Variants in NKAIN2 observed in about 807,000 individuals in gnomAD.
NKAIN2 encodes the protein sodium/potassium transporting ATPase interacting 2.
A neutral mutation model predicts 32.6 loss-of-function variants in NKAIN2; 14 were observed. The ratio of observed to expected loss-of-function variants is 0.43; its 90% CI spans 0.28 to 0.67. The LOEUF is 0.67. Among genes scored for constraint, NKAIN2 ranks in the 30% least tolerant of loss-of-function variants. The pLI is 0.17. For missense variants in NKAIN2, 198 were observed against 258.3 expected, an observed-to-expected ratio of 0.77 and a Z score of 1.60; for synonymous variants, 80 against 87.2, an observed-to-expected ratio of 0.92 and a Z score of 0.46.
At chr6:124,213,294 C>T (rs1384382923) in intron 1 of NKAIN2, among the ~76,000 whole-genome samples, 1 of 152,078 alleles carries the variant, frequency 6.6e-6, no homozygotes, top group Non-Finnish European at 1.5e-5. Context: ...TACAAATCTG[C>T]ATTGGGTACT....
At chr6:123,959,072 T>C (rs1777725561) in intron 1 of NKAIN2, among the ~76,000 whole-genome samples, 2 of 152,116 alleles carry the variant, frequency 1.3e-5, no homozygotes, top group South Asian at 4.1e-4. Context: ...CGGGAGAAGA[T>C]GACAGAGGAA....
chr6:123,905,505 A>C (rs759539250), intron 1 of NKAIN2, among the ~76,000 whole-genome samples: 6 of 151,806 alleles, frequency 4.0e-5, no homozygotes, highest in African/African-American at 1.5e-4. Context: ...CCTGTTTACT[A>C]TCAAAACATT....
intron 1 of NKAIN2, among the ~76,000 whole-genome samples, chr6:124,277,441 GTGTGTGTGTGTGTGTGTATC>G (rs1795086772): frequency 6.6e-6 from 1 of 151,538 alleles, no homozygotes; most frequent in Non-Finnish European, 1.5e-5. Context: ...GTGTGTGTGT[GTGTGTGTGTGTGTGTGTATC>G]TGTGTGTGTG....
At chr6:124,651,477 C>T (rs760243044) in intron 3 of NKAIN2, among the ~76,000 whole-genome samples, 2 of 152,182 alleles carry the variant, frequency 1.3e-5, no homozygotes, top group Non-Finnish European at 2.9e-5. Flanking sequence ...CTAATGTATT[C>T]TTTGATTAGT....
intron 1 of NKAIN2, among the ~76,000 whole-genome samples, chr6:124,235,290 C>A (rs954142510): frequency 6.6e-6 from 1 of 152,024 alleles, no homozygotes; most frequent in African/African-American, 2.4e-5. Flanking sequence ...TCTTACCTTC[C>A]AAAAGCTTTA....
chr6:124,482,055 A>G (rs1317190701), intron 3 of NKAIN2, among the ~76,000 whole-genome samples: 1 of 152,186 alleles, frequency 6.6e-6, no homozygotes, highest in African/African-American at 2.4e-5. Context: ...ATTTAAATGT[A>G]TTACATAGTT....
At chr6:124,240,661 T>C (rs904602802) in intron 1 of NKAIN2, among the ~76,000 whole-genome samples, 2 of 152,090 alleles carry the variant, frequency 1.3e-5, no homozygotes, top group South Asian at 4.1e-4. Context: ...ATTATCTCAA[T>C]AGATGCAGAA....
chr6:123,871,951 T>C (rs1166285115), intron 1 of NKAIN2, among the ~76,000 whole-genome samples: 1 of 152,200 alleles, frequency 6.6e-6, no homozygotes, highest in Non-Finnish European at 1.5e-5. Flanking sequence ...TTGTGTTTCC[T>C]GTTCTTTAAA....
intron 3 of NKAIN2, among the ~76,000 whole-genome samples, chr6:124,561,135 A>G (rs528215): frequency 0.57 from 86,283 of 152,010 alleles, 25,069 homozygotes; most frequent in East Asian, 0.67. Context: ...ATGATTACTG[A>G]GGGGAAAAGT....
chr6:123,991,153 T>C (rs557559741), intron 1 of NKAIN2, among the ~76,000 whole-genome samples: 5 of 152,176 alleles, frequency 3.3e-5, no homozygotes, highest in Non-Finnish European at 7.3e-5. Context: ...AATAAAAAGA[T>C]TGACTTGAGC....
intron 1 of NKAIN2, among the ~76,000 whole-genome samples, chr6:123,847,318 C>T (rs1275362871): frequency 2.0e-5 from 3 of 152,014 alleles, no homozygotes; most frequent in African/African-American, 4.8e-5. Flanking sequence ...TTCCTTAGCT[C>T]ATATTAAATC....
At position 123,898,660 on chromosome 6, in the gene NKAIN2, G is replaced by A. The variant is rs564043553; in HGVS notation, c.54+94406G>A. Among the ~76,000 whole-genome samples, 12 of 151,542 alleles carry A rather than the reference G, an allele frequency of 7.9e-5. No individual in the cohort carries two copies. In the South Asian group the frequency reaches 2.3e-3, roughly 29 times the overall value. On this transcript the variant is annotated intron_variant, in intron 1 of 6. Transcript: ENST00000368417. ...AATTAATGAGTACCAGGCCTGTATA[G>A]TTTATTTAATCTATTAATTTCCAGC...
At chr6:124,109,636 T>C (rs180712054) in intron 1 of NKAIN2, among the ~76,000 whole-genome samples, 239 of 152,240 alleles carry the variant, frequency 1.6e-3, no homozygotes, top group Admixed American at 2.6e-3. Context: ...AGAGAACTTC[T>C]AGTAATATTC....
At chr6:124,125,784 A>T (rs996035106) in intron 1 of NKAIN2, among the ~76,000 whole-genome samples, 1 of 152,188 alleles carries the variant, frequency 6.6e-6, no homozygotes, top group South Asian at 2.1e-4. Flanking sequence ...AGAACACAAA[A>T]GATAATCATT....
At chr6:124,559,769 G>C (rs908903700) in intron 3 of NKAIN2, among the ~76,000 whole-genome samples, 1 of 148,488 alleles carries the variant, frequency 6.7e-6, no homozygotes, top group Non-Finnish European at 1.5e-5. Flanking sequence ...GAGGACTACA[G>C]AAAGTGGAGC....
At chr6:124,700,870 T>TCACACACACACACACA (rs1562331736) in intron 4 of NKAIN2, among the ~76,000 whole-genome samples, 7 of 114,696 alleles carry the variant, frequency 6.1e-5, no homozygotes, top group African/African-American at 2.5e-4. Flanking sequence ...GTCTCTTTCC[T>TCACACACACACACACA]GACACACACA....
chr6:124,612,897 A>G (rs897063718), intron 3 of NKAIN2, among the ~76,000 whole-genome samples: 7 of 152,120 alleles, frequency 4.6e-5, no homozygotes, highest in African/African-American at 1.7e-4. Context: ...GGAACATCTG[A>G]CATTGGGGAA....
At chr6:124,173,532 G>C (rs1346095370) in intron 1 of NKAIN2, among the ~76,000 whole-genome samples, 1 of 152,014 alleles carries the variant, frequency 6.6e-6, no homozygotes, top group Non-Finnish European at 1.5e-5. Context: ...CTGATTCTTT[G>C]CATAATATTA....
chr6:124,563,969 T>C (rs566632282), intron 3 of NKAIN2, among the ~76,000 whole-genome samples: 2 of 152,166 alleles, frequency 1.3e-5, no homozygotes, highest in Non-Finnish European at 2.9e-5. Context: ...ATGGTAATGA[T>C]GCTATAGTTT....
Sources: allele counts gnomAD v4.1 joint callset (sites outside exome capture counted in the v4.1 genomes callset), GRCh38; gene constraint gnomAD v4.1.1; transcripts MANE v1.5; gene names NCBI Gene and HGNC (gene_info 2026-07-23, HGNC 2026-07-21).